CASK: variants seen among roughly 807,000 people sequenced by gnomAD.
The protein encoded by CASK is calcium/calmodulin dependent serine protein kinase.
In CASK, 4 loss-of-function variants were observed where a neutral mutation model predicts 82.9. The ratio of observed to expected loss-of-function variants is 0.05; its 90% CI spans 0.02 to 0.11. The LOEUF (loss-of-function observed/expected upper bound fraction) is 0.11. Among genes scored for constraint, CASK ranks in the 10% least tolerant of loss-of-function variants. CASK has a pLI of 1.00. For missense variants in CASK, 358 were observed against 720.9 expected, an observed-to-expected ratio of 0.50 and a Z score of 5.76; for synonymous variants, 259 against 253.5, an observed-to-expected ratio of 1.02 and a Z score of -0.20.
intron 5 of CASK, chrX:41,695,548 G>A (rs2067669361): frequency 1.0e-5 from 6 of 599,108 alleles, no homozygotes; most frequent in Non-Finnish European, 1.6e-5. Context: ...TTGGCATTCC[G>A]TTGTAGGAAA....
intron 25 of CASK, among the ~76,000 whole-genome samples, chrX:41,528,650 A>G (rs1167274979): frequency 8.9e-6 from 1 of 112,334 alleles, no homozygotes. Flanking sequence ...GACATATAAT[A>G]AGGGCTTAAT....
At chrX:41,669,985 GT>G (rs1040785272) in intron 6 of CASK, among the ~76,000 whole-genome samples, 2 of 112,236 alleles carry the variant, frequency 1.8e-5, no homozygotes, top group Non-Finnish European at 3.8e-5. Context: ...GATGAAAATT[GT>G]TCAGAGTGGT....
At chrX:41,745,688 T>A in intron 3 of CASK, 87 bp from the exon 4 acceptor site, 1 of 622,756 alleles carries the variant, frequency 1.6e-6, no homozygotes, top group Non-Finnish European at 2.7e-6. Context: ...ACTAAGTTAT[T>A]AGTTGATTTA....
chrX:41,912,660 G>C (rs1390093353), intron 1 of CASK, among the ~76,000 whole-genome samples: 2 of 106,980 alleles, frequency 1.9e-5, no homozygotes, highest in Non-Finnish European at 3.9e-5. Flanking sequence ...TCTTAGGCTG[G>C]GTGCAGTGGT....
At chrX:41,654,032 C>A (rs5918220) in intron 8 of CASK, among the ~76,000 whole-genome samples, 1 of 111,690 alleles carries the variant, frequency 9.0e-6, no homozygotes, top group Non-Finnish European at 1.9e-5. Flanking sequence ...CCAGGTGAAG[C>A]GGCTCATTTG....
At position 41,858,501 on chromosome X, in the gene CASK, C is replaced by T. The variant is rs1305287319; in HGVS notation, c.60-5274G>A. ...AGCAGGAAATGCAGGGCAGCCAGTG[C>T]CCCCCACCAAATTCCTGCTGGGTGC... On this transcript the variant is annotated intron_variant, in intron 1 of 26. Coordinates refer to ENST00000378163, the MANE Select transcript of CASK (RefSeq NM_001367721.1). 3.6e-5 allele frequency among the ~76,000 whole-genome samples: 4 copies of T among 111,518 alleles called. No homozygotes were observed. The East Asian group carries it at 8.5e-4, about 24-fold the overall frequency.
chrX:41,691,473 T>C (rs920508292), intron 5 of CASK, among the ~76,000 whole-genome samples: 2 of 111,576 alleles, frequency 1.8e-5, no homozygotes, highest in Admixed American at 9.5e-5. Flanking sequence ...AAGAAAATGC[T>C]GACCCTATGT....
chrX:41,832,380 G>A (rs1040685911), intron 2 of CASK, among the ~76,000 whole-genome samples: 2 of 111,977 alleles, frequency 1.8e-5, no homozygotes, highest in Middle Eastern at 4.6e-3. Flanking sequence ...TCATTTTCTT[G>A]CATGTGGTAG....
chrX:41,812,819 C>G (rs1280624319), intron 2 of CASK, among the ~76,000 whole-genome samples: 3 of 111,845 alleles, frequency 2.7e-5, no homozygotes, highest in African/African-American at 9.8e-5. Flanking sequence ...TTGCAGATGA[C>G]ATGATTGTAT....
At chrX:41,567,991 A>G (rs1230895333) in intron 16 of CASK, among the ~76,000 whole-genome samples, 1 of 108,123 alleles carries the variant, frequency 9.2e-6, no homozygotes, top group Non-Finnish European at 1.9e-5. Flanking sequence ...TCACAAGGAC[A>G]GAAAACCAAA....
chrX:41,819,126 A>G (rs2070478266), intron 2 of CASK, among the ~76,000 whole-genome samples: 1 of 111,503 alleles, frequency 9.0e-6, no homozygotes, highest in Admixed American at 9.5e-5. Context: ...ATGTATGATC[A>G]ATGAAAATAA....
intron 16 of CASK, among the ~76,000 whole-genome samples, chrX:41,564,701 C>G (rs1353974361): frequency 8.9e-6 from 1 of 111,864 alleles, no homozygotes; most frequent in Non-Finnish European, 1.9e-5. Flanking sequence ...CAAGGACATC[C>G]AGGACCTGAA....
chrX:41,564,274 T>TA (rs1602268822), intron 16 of CASK, among the ~76,000 whole-genome samples: 1 of 112,785 alleles, frequency 8.9e-6, no homozygotes, highest in African/African-American at 3.2e-5. Flanking sequence ...ACTAAGAATA[T>TA]AAAGGAACTT....
intron 14 of CASK, among the ~76,000 whole-genome samples, chrX:41,579,914 A>G (rs2065547401): frequency 8.9e-6 from 1 of 112,183 alleles, no homozygotes; most frequent in Non-Finnish European, 1.9e-5. Context: ...AGCATTATAC[A>G]CAGTTGAGTT....
At chrX:41,922,868 A>G in intron 1 of CASK, 62 bp downstream of exon 1, 1 of 1,070,163 alleles carries the variant, frequency 9.3e-7, no homozygotes, top group Non-Finnish European at 1.3e-6. Flanking sequence ...CGGGTGCGGG[A>G]AGACCGGGGC....
chrX:41,762,900 C>T (rs930444252), intron 3 of CASK, among the ~76,000 whole-genome samples: 6 of 111,025 alleles, frequency 5.4e-5, no homozygotes, highest in African/African-American at 1.6e-4. Flanking sequence ...AGTCGATTTG[C>T]CATCTATATT....
intron 11 of CASK, 106 bp downstream of exon 11, chrX:41,622,511 C>T (rs1191348750): frequency 1.7e-6 from 1 of 594,645 alleles, no homozygotes; most frequent in Non-Finnish European, 2.6e-6. Flanking sequence ...ACTTAAACAA[C>T]TACACACAAA....
chrX:41,549,362 G>C (rs2065064732), intron 21 of CASK, among the ~76,000 whole-genome samples: 1 of 111,795 alleles, frequency 8.9e-6, no homozygotes, highest in Non-Finnish European at 1.9e-5. Context: ...TTCAGGTCTT[G>C]GGGTACACAC....
At chrX:41,674,401 A>G (rs1051205997) in intron 5 of CASK, among the ~76,000 whole-genome samples, 7 of 111,842 alleles carry the variant, frequency 6.3e-5, no homozygotes, top group Admixed American at 1.9e-4. Context: ...GCAGACTATA[A>G]GAGTATCAAG....
Sources: allele counts gnomAD v4.1 joint callset (sites outside exome capture counted in the v4.1 genomes callset), GRCh38; gene constraint gnomAD v4.1.1; transcripts MANE v1.5; gene names NCBI Gene and HGNC (gene_info 2026-07-23, HGNC 2026-07-21).